UACA: variants seen among roughly 807,000 people sequenced by gnomAD.
UACA encodes the protein uveal autoantigen with coiled-coil domains and ankyrin repeats.
UACA carries 112 observed loss-of-function variants against 160.5 expected under a neutral mutation model. The observed-to-expected ratio is 0.70, with a 90% CI of 0.60 to 0.82. The LOEUF (loss-of-function observed/expected upper bound fraction) is 0.82. Among genes scored for constraint, UACA ranks in the 40% least tolerant of loss-of-function variants. The pLI, the probability that UACA is intolerant of heterozygous loss-of-function variation, is 0.00. For missense variants in UACA, 1,574 were observed against 1,614.6 expected, an observed-to-expected ratio of 0.97 and a Z score of 0.43; for synonymous variants, 557 against 568.4, an observed-to-expected ratio of 0.98 and a Z score of 0.29.
chr15:70,701,804 G>T, intron 1 of UACA: 4 of 1,367,950 alleles, frequency 2.9e-6, no homozygotes, highest in Non-Finnish European at 2.0e-6. Flanking sequence ...AAACAGTAGT[G>T]CATTTTAAAA....
At chr15:70,683,991 G>C (rs1897613214) in intron 8 of UACA, among the ~76,000 whole-genome samples, 1 of 150,446 alleles carries the variant, frequency 6.6e-6, no homozygotes, top group Admixed American at 6.6e-5. Context: ...AAAAAACTTA[G>C]TAAAACACTT....
rs1896503175 is a variant in UACA, at chr15:70,657,195, A to G, written c.4180-68T>C. 4.5e-6 allele frequency: 6 copies of G among 1,336,350 alleles called. No homozygotes were observed. The Admixed American group carries it at 6.9e-5, about 15-fold the overall frequency. The allele number at this position is 1,336,350 out of a possible 1,614,324, so 82.8% of individuals were successfully genotyped here. ...TTGTTTACATAAGAATTCTAAAGAT[A>G]AAGCTTTTACAGAGCATAACTAGTC... On this transcript the variant is annotated intron_variant, in intron 18 of 18. Transcript: ENST00000322954.
rs1428916618 is a variant in UACA at position 70,667,631 on chromosome 15, A to T, written c.3053T>A (p.Val1018Asp). ...GTTTTTCTTGACTTCTTCTTCACTG[A>T]CACTATACTTTTGTGTCTGCTCTGA... ...QLSEQTQKYS[V>D]SEEEVKKNKQ... Residue 1018 changes from valine (V) to aspartate (D), a missense_variant, in exon 16 of 19, where the codon GTC becomes GAC. Transcript: ENST00000322954. The T allele has an allele frequency of 1.9e-6, 3 of 1,612,630 alleles. No individual in the cohort carries two copies. The African/African-American group carries it at 4.0e-5, about 22-fold the overall frequency.
At chr15:70,671,720 T>C in intron 14 of UACA, 1 of 292,020 alleles carries the variant, frequency 3.4e-6, no homozygotes, top group Non-Finnish European at 6.3e-6. Flanking sequence ...GCAAATTTGG[T>C]AATTCATACA....
At position 70,668,442 on chromosome 15, in the gene UACA, T is replaced by C; in HGVS notation, c.2242A>G (p.Lys748Glu). Residue 748 changes from lysine (K) to glutamate (E), a missense_variant, in exon 16 of 19, where the codon AAA becomes GAA. By Grantham distance (56) the Lys-to-Glu change is moderately conservative (BLOSUM62 1). Transcript: ENST00000322954. Reference sequence around the variant, plus strand: ...GACTTTTTCATGTCTTCACTTACTTTTAAAGGAACATAATGATTTTTCATT... The same window carrying C: ...GACTTTTTCATGTCTTCACTTACTTCTAAAGGAACATAATGATTTTTCATT... ...IEMKNHYVPL[K>E]VSEDMKKSHD... is the part of the protein sequence containing the mutation. 1 of 1,612,206 alleles carries C rather than the reference T, an allele frequency of 6.2e-7. No homozygotes were observed. The highest frequency in any genetic ancestry group is 1.1e-5 in the South Asian group (1 of 90,890).
At chr15:70,684,091 G>C (rs1185005540) in intron 8 of UACA, among the ~76,000 whole-genome samples, 174 bp downstream of exon 8, 1 of 152,010 alleles carries the variant, frequency 6.6e-6, no homozygotes, top group East Asian at 1.9e-4. Context: ...CTGCCTCAAA[G>C]CAAGTGACCA....
chr15:70,686,765 C>A (rs1026654040), intron 7 of UACA, among the ~76,000 whole-genome samples: 7 of 151,604 alleles, frequency 4.6e-5, no homozygotes, highest in Non-Finnish European at 1.0e-4. Flanking sequence ...CAAAAGAAAC[C>A]AAAATTTTTA....
rs561555448 is a variant in UACA at position 70,696,131 on chromosome 15, T to C, written c.213-1026A>G. ...CAGGTGCCAGGATACAGATACACTCTTGTAGCCCACTCTCAGCAGAGGTCT... is the reference window on the plus strand; with the variant it reads ...CAGGTGCCAGGATACAGATACACTCCTGTAGCCCACTCTCAGCAGAGGTCT... On this transcript the variant is annotated intron_variant, in intron 2 of 18. Transcript: ENST00000322954. 7.9e-5 allele frequency among the ~76,000 whole-genome samples: 12 copies of C among 152,296 alleles called. No individual in the cohort carries two copies. The East Asian group carries it at 1.3e-3, about 17-fold the overall frequency.
At chr15:70,735,551 T>C (rs61523399) in intron 1 of UACA, among the ~76,000 whole-genome samples, 1 of 152,332 alleles carries the variant, frequency 6.6e-6, no homozygotes, top group African/African-American at 2.4e-5. Flanking sequence ...ATTATACTAA[T>C]AGTCCTCCAG....
chr15:70,663,630 C>T (rs2140891027), intron 17 of UACA, among the ~76,000 whole-genome samples: 1 of 152,106 alleles, frequency 6.6e-6, no homozygotes, highest in East Asian at 1.9e-4. Context: ...AAATGTCCAA[C>T]AATGATAGAC....
chr15:70,702,056 G>C, intron 1 of UACA: 1 of 1,380,990 alleles, frequency 7.2e-7, no homozygotes, highest in South Asian at 1.8e-5. Flanking sequence ...ACTTAGCTTG[G>C]ATCTCTAACG....
chr15:70,755,733 C>T (rs1011515948), intron 1 of UACA, among the ~76,000 whole-genome samples: 3 of 151,878 alleles, frequency 2.0e-5, no homozygotes, highest in Non-Finnish European at 4.4e-5. Flanking sequence ...AAGCTGCACG[C>T]CCTCTAACTC....
intron 1 of UACA, among the ~76,000 whole-genome samples, chr15:70,754,357 T>C (rs941224741): frequency 1.3e-5 from 2 of 152,120 alleles, no homozygotes; most frequent in South Asian, 2.1e-4. Context: ...TCACTTTCAA[T>C]AGAGTATTCG....
At chr15:70,710,614 T>A (rs2140978732) in intron 1 of UACA, among the ~76,000 whole-genome samples, 1 of 152,314 alleles carries the variant, frequency 6.6e-6, no homozygotes, top group South Asian at 2.1e-4. Context: ...ACCAACTGCC[T>A]GTAAATCAGG....
the UACA span, among the ~76,000 whole-genome samples, chr15:70,775,092 G>C: frequency 6.6e-6 from 1 of 152,034 alleles, no homozygotes; most frequent in Non-Finnish European, 1.5e-5. Context: ...AAATACTTCA[G>C]ACAGAAAGTC....
chr15:70,718,421 T>C (rs552588663), intron 1 of UACA, among the ~76,000 whole-genome samples: 1 of 149,304 alleles, frequency 6.7e-6, no homozygotes, highest in South Asian at 2.1e-4. Context: ...AGCCATGTGA[T>C]ATGTTTGGCC....
intron 1 of UACA, among the ~76,000 whole-genome samples, chr15:70,716,490 T>C (rs1198321311): frequency 6.6e-6 from 1 of 152,212 alleles, no homozygotes; most frequent in Admixed American, 6.5e-5. Context: ...TAGGACTGCC[T>C]GAATCTAGAG....
At chr15:70,776,903 G>T in the UACA span, among the ~76,000 whole-genome samples, 98 of 152,290 alleles carry the variant, frequency 6.4e-4, no homozygotes, top group African/African-American at 2.3e-3. Context: ...TTGGAACAGG[G>T]TGAGAAAGGG....
At chr15:70,670,116 G>C (rs1056773443) in intron 15 of UACA, among the ~76,000 whole-genome samples, 12 of 152,140 alleles carry the variant, frequency 7.9e-5, no homozygotes, top group African/African-American at 2.9e-4. Context: ...AAAACACCTG[G>C]AGCTGGTGAC....
Sources: allele counts gnomAD v4.1 joint callset (sites outside exome capture counted in the v4.1 genomes callset), GRCh38; gene constraint gnomAD v4.1.1; transcripts MANE v1.5; gene names NCBI Gene and HGNC (gene_info 2026-07-23, HGNC 2026-07-21).